Variants in ATP13A4 observed in about 807,000 individuals in gnomAD.
The protein encoded by ATP13A4 is ATPase 13A4.
Under a neutral mutation model 142.5 loss-of-function variants are expected in ATP13A4, and 114 were observed. The observed-to-expected ratio is 0.80, with a 90% CI of 0.69 to 0.93. The LOEUF is 0.93. ATP13A4 is among the 40% of genes least tolerant of loss of function. The pLI is 0.00. For missense variants in ATP13A4, 1,392 were observed against 1,454.0 expected, an observed-to-expected ratio of 0.96 and a Z score of 0.69; for synonymous variants, 488 against 514.8, an observed-to-expected ratio of 0.95 and a Z score of 0.70.
At chr3:193,568,222 A>T (rs1386582751) in intron 2 of ATP13A4, among the ~76,000 whole-genome samples, 1 of 152,078 alleles carries the variant, frequency 6.6e-6, no homozygotes. Flanking sequence ...CAGACTCCCA[A>T]AGTGCTGGGA....
intron 1 of ATP13A4, among the ~76,000 whole-genome samples, chr3:193,532,163 A>T (rs1722371540): frequency 6.6e-6 from 1 of 151,980 alleles, no homozygotes. Flanking sequence ...TCTTATCACA[A>T]TGGCATTTAG....
intron 2 of ATP13A4, among the ~76,000 whole-genome samples, chr3:193,505,731 C>T (rs1032502252): frequency 6.6e-6 from 1 of 152,104 alleles, no homozygotes; most frequent in Non-Finnish European, 1.5e-5. Context: ...GTCAAATCAC[C>T]CAGCTTTTTA....
At chr3:193,428,161 A>G (rs2108613688) in intron 25 of ATP13A4, among the ~76,000 whole-genome samples, 1 of 152,300 alleles carries the variant, frequency 6.6e-6, no homozygotes, top group African/African-American at 2.4e-5. Context: ...AAAAGAAGAC[A>G]TTTATGCAGC....
intron 2 of ATP13A4, 116 bp downstream of exon 2, chr3:193,514,582 A>C: frequency 7.3e-7 from 1 of 1,369,080 alleles, no homozygotes; most frequent in Non-Finnish European, 1.0e-6. Context: ...TAAGGAACCA[A>C]AGACTGGAGC....
intron 23 of ATP13A4, among the ~76,000 whole-genome samples, chr3:193,436,413 G>C (rs940124983): frequency 2.0e-5 from 3 of 151,888 alleles, no homozygotes; most frequent in Admixed American, 6.6e-5. Flanking sequence ...ATTTCATTCG[G>C]TGAAAAATAA....
Position 193,573,308 on chromosome 3 carries a change from C to CTTAT in ATP13A4, n.291+8398_291+8399insATAA, listed in dbSNP as rs1229145689. On this transcript the variant is annotated intron_variant and non_coding_transcript_variant, in intron 2 of 3. Coordinates refer to the ATP13A4 transcript ENST00000489140. The stretch of plus-strand genomic sequence containing the variant: ...ATATATACACATATATATATATATA[C>CTTAT]ATATATATATATATATATAATTTGT... Among the ~76,000 whole-genome samples, 401 of 103,598 alleles carry CTTAT rather than the reference C, an allele frequency of 3.9e-3. 19 individuals carry two copies. The highest frequency in any genetic ancestry group is 0.018 in the African/African-American group (387 of 21,124). The allele number at this position is 103,598 out of a possible 152,430, so 68.0% of individuals were successfully genotyped here.
At chr3:193,520,774 A>T (rs1218659549) in intron 1 of ATP13A4, among the ~76,000 whole-genome samples, 4 of 152,198 alleles carry the variant, frequency 2.6e-5, no homozygotes, top group Non-Finnish European at 5.9e-5. Context: ...TTTTCCATTA[A>T]CAATGTTTAC....
chr3:193,586,264 T>C (rs548360600), intron 1 of ATP13A4, among the ~76,000 whole-genome samples: 1 of 152,332 alleles, frequency 6.6e-6, no homozygotes, highest in Admixed American at 6.5e-5. Flanking sequence ...CTAAAAATAT[T>C]TTCTTCCAAT....
intron 1 of ATP13A4, among the ~76,000 whole-genome samples, chr3:193,551,946 G>T (rs1250353264): frequency 6.6e-6 from 1 of 151,984 alleles, no homozygotes; most frequent in Admixed American, 6.6e-5. Flanking sequence ...TTTGCTTTTG[G>T]TTTGTTACTT....
At chr3:193,446,845 G>C (rs1322312824) in intron 18 of ATP13A4, among the ~76,000 whole-genome samples, 3 of 152,082 alleles carry the variant, frequency 2.0e-5, no homozygotes, top group African/African-American at 4.8e-5. Flanking sequence ...ACTCTCACTG[G>C]ACTTGTCATG....
chr3:193,525,081 G>A (rs894137743), intron 1 of ATP13A4, among the ~76,000 whole-genome samples: 3 of 152,218 alleles, frequency 2.0e-5, no homozygotes, highest in African/African-American at 4.8e-5. Context: ...AGGGATTGCT[G>A]AATCCCTAGC....
intron 2 of ATP13A4, among the ~76,000 whole-genome samples, chr3:193,509,478 G>A: frequency 6.6e-6 from 1 of 152,214 alleles, no homozygotes; most frequent in Non-Finnish European, 1.5e-5. Context: ...AGGAAGGAAA[G>A]CCTGGCTTTG....
At chr3:193,450,461 G>A (rs1717211877) in intron 17 of ATP13A4, among the ~76,000 whole-genome samples, 1 of 152,206 alleles carries the variant, frequency 6.6e-6, no homozygotes, top group Non-Finnish European at 1.5e-5. Flanking sequence ...AGAATATGCA[G>A]AGACTGTAGT....
chr3:193,537,340 T>C (rs1722641946), intron 1 of ATP13A4, among the ~76,000 whole-genome samples: 2 of 151,828 alleles, frequency 1.3e-5, no homozygotes, highest in African/African-American at 4.8e-5. Flanking sequence ...CAAGAAAAAA[T>C]AGAATTTTCA....
At chr3:193,541,222 C>T (rs1188671889) in intron 1 of ATP13A4, among the ~76,000 whole-genome samples, 1 of 124,026 alleles carries the variant, frequency 8.1e-6, no homozygotes, top group Non-Finnish European at 1.8e-5. Flanking sequence ...GCACTCCAGC[C>T]TGGGCGACAG....
At chr3:193,442,958 T>A (rs975429007) in intron 18 of ATP13A4, among the ~76,000 whole-genome samples, 1 of 152,154 alleles carries the variant, frequency 6.6e-6, no homozygotes, top group African/African-American at 2.4e-5. Context: ...TGGAAAACTC[T>A]GAACAAAAAC....
chr3:193,559,654 A>G (rs1723972535), upstream of ATP13A4, among the ~76,000 whole-genome samples: 1 of 152,190 alleles, frequency 6.6e-6, no homozygotes, highest in South Asian at 2.1e-4. Context: ...TTAATTACAG[A>G]AGAAAAGAGC....
In ATP13A4 at chr3:193,490,191, A is replaced by G. The variant is rs140265366; in HGVS notation, c.604-327T>C. Among the ~76,000 whole-genome samples the G allele has an allele frequency of 3.0e-4, 46 of 152,340 alleles. 1 individual carries two copies. Among genetic ancestry groups the G allele is most frequent in the African/African-American group, 1.1e-3 (46 of 41,590 alleles). ...ACAGACCCAAGACTTAAACACAGGC[A>G]ATCTGACCCCAGAGCACTTACTTTT... On this transcript the variant is annotated intron_variant, in intron 6 of 29. Coordinates refer to ENST00000342695, the MANE Select transcript of ATP13A4 (RefSeq NM_032279.4).
At chr3:193,452,596 A>G (rs1717345845) in intron 17 of ATP13A4, among the ~76,000 whole-genome samples, 1 of 115,320 alleles carries the variant, frequency 8.7e-6, no homozygotes, top group Admixed American at 1.0e-4. Context: ...TTTTGCATCT[A>G]TGCAAGACTT....
Sources: allele counts gnomAD v4.1 joint callset (sites outside exome capture counted in the v4.1 genomes callset), GRCh38; gene constraint gnomAD v4.1.1; transcripts MANE v1.5; gene names NCBI Gene and HGNC (gene_info 2026-07-23, HGNC 2026-07-21).